Variants in TNXB observed in about 807,000 individuals in gnomAD.
TNXB encodes tenascin-X.
Under a neutral mutation model 340.5 loss-of-function variants are expected in TNXB, and 183 were observed. The observed-to-expected ratio is 0.54, with a 90% CI of 0.48 to 0.61. The LOEUF (loss-of-function observed/expected upper bound fraction) is 0.61, where lower values mean the gene tolerates loss of function less well. TNXB is among the 20% of genes least tolerant of loss of function. The pLI is 0.00. For synonymous variants in TNXB, 2,121 were observed against 2,314.5 expected, an observed-to-expected ratio of 0.92 and a Z score of 2.40; for missense variants, 4,613 against 5,446.4, an observed-to-expected ratio of 0.85 and a Z score of 4.82.
In TNXB at chr6:32,081,669, T is replaced by G; in HGVS notation, c.3741A>C (p.Pro1247=). The G allele has an allele frequency of 3.2e-6, 5 of 1,575,028 alleles. No individual in the cohort carries two copies. Among genetic ancestry groups the G allele is most frequent in the Non-Finnish European group, 4.3e-6 (5 of 1,159,918 alleles). Residue 1247 remains proline, a synonymous_variant, in exon 10 of 44, where the codon CCA becomes CCC. Transcript: ENST00000644971. The surrounding 1 kb of genome is among the most constrained non-coding windows in gnomAD (Gnocchi z 5.1). ...GGCGGGGGGGCTCCTCTTTCCTCTC[T>G]GGAGCTGTAAACAAGGAGATCCAGC... The part of the protein sequence containing the change: ...GPLTADGTTA[P]ERKEEPPRPE...
Position 32,097,299 on chromosome 6 carries a change from C to T in TNXB, c.554G>A (p.Gly185Glu). The change falls in exon 3 of 44, where the codon GGG (glycine) becomes GAG (glutamate). Residue 185 changes from glycine to glutamate, a missense_variant. Gly to Glu is a moderately conservative substitution (Grantham distance 98, BLOSUM62 -2). This residue lies in a region of TNXB where 4,327 missense variants were observed against 4,859.4 expected (regional missense o/e 0.89). Coordinates refer to ENST00000644971, the MANE Select transcript of TNXB (RefSeq NM_001365276.2). This position sits in a 1 kb window ranked among gnomAD's most constrained non-coding sequence, Gnocchi z 5.9. ...ATCATTGCAGTCATCTGGGCAGGAC[C>T]CCGAGGCTGAGGGTGGGGAAGAGGG... ...IPPSSPPSASGSCPDDCNDQG... is the reference protein window; with the variant it reads ...IPPSSPPSASESCPDDCNDQG... 1 of 1,613,578 alleles carries T rather than the reference C, an allele frequency of 6.2e-7. No homozygotes were observed. Among genetic ancestry groups the T allele is most frequent in the South Asian group, 1.1e-5 (1 of 91,020 alleles).
rs1039190912 is a variant in TNXB at position 32,051,306 on chromosome 6, C to T, written c.9116-985G>A. Among the ~76,000 whole-genome samples the T allele has an allele frequency of 2.0e-4, 31 of 152,214 alleles. No individual in the cohort carries two copies. The highest frequency in any genetic ancestry group is 3.7e-4 in the Non-Finnish European group (25 of 68,040). ...CTGGTCCACAGCCTGTCCCCCATGA[C>T]GTTAGCCCCATTAGGACAGGAACTT... is the stretch of plus-strand genomic sequence containing the variant. On this transcript the variant is annotated intron_variant, in intron 26 of 43. Transcript: ENST00000644971. This position sits in a 1 kb window ranked among gnomAD's most constrained non-coding sequence, Gnocchi z 4.7.
At position 32,079,399 on chromosome 6, in the gene TNXB, G is replaced by A; in HGVS notation, c.4043-34C>T. On this transcript the variant is annotated intron_variant, in intron 10 of 43. Transcript: ENST00000644971. This position sits in a 1 kb window ranked among gnomAD's most constrained non-coding sequence, Gnocchi z 7.1. Reference sequence around the variant, plus strand: ...AGAGATAGAGGCATAAAGGGCTGCTGGCTTTGCTGCTGCTGCCCACAGATG... The same window carrying A: ...AGAGATAGAGGCATAAAGGGCTGCTAGCTTTGCTGCTGCTGCCCACAGATG... 1 of 1,530,940 alleles carries A rather than the reference G, an allele frequency of 6.5e-7. No individual in the cohort carries two copies. The highest frequency in any genetic ancestry group is 2.3e-5 in the East Asian group (1 of 44,056). The allele number at this position is 1,530,940 out of a possible 1,614,324, so 94.8% of individuals were successfully genotyped here.
chr6:32,072,402 C>T lies in TNXB; in HGVS notation c.4682-104G>A. The T allele has an allele frequency of 1.1e-6, 1 of 922,456 alleles. No individual in the cohort carries two copies. Among genetic ancestry groups the T allele is most frequent in the Non-Finnish European group, 1.5e-6 (1 of 647,074 alleles). 57.1% of individuals were successfully genotyped at this position (922,456 alleles called of 1,614,324 possible). A position where few individuals can be genotyped will look rare whatever the true frequency, so the allele number is the denominator to read the frequency against. ...TGTGAACTGAGATGGGGAATAGTTA[C>T]ACCTTTACTTCCAGACCTCTAACTG... is the stretch of plus-strand genomic sequence containing the variant. On this transcript the variant is annotated intron_variant, in intron 12 of 43. Transcript: ENST00000644971. This position sits in a 1 kb window ranked among gnomAD's most constrained non-coding sequence, Gnocchi z 4.4.
In TNXB at chr6:32,046,445, T is replaced by C; in HGVS notation, c.10336A>G (p.Lys3446Glu). 3.8e-6 allele frequency: 6 copies of C among 1,573,304 alleles called. No homozygotes were observed. The highest frequency in any genetic ancestry group is 5.2e-6 in the Non-Finnish European group (6 of 1,152,594). Residue 3446 changes from lysine to glutamate, a missense_variant, in exon 31 of 44, where the codon AAG becomes GAG. Physicochemically the swap from Lys to Glu is moderately conservative, Grantham distance 56 (BLOSUM62 1). Around this residue, in one of 7 missense-constraint regions of TNXB, gnomAD observed 4,327 missense variants for 4,859.4 expected, o/e 0.89. Transcript: ENST00000644971. The surrounding 1 kb of genome is among the most constrained non-coding windows in gnomAD (Gnocchi z 6.9). ...SADSTTAPLE[K>E]ELPPHLGELT... ...TCCCCCAGGTGGGGAGGTAGCTCCT[T>C]CTCCAGGGGAGCTGTGCAGAGGGAG... is the stretch of plus-strand genomic sequence containing the variant.
In TNXB at chr6:32,062,564, C is replaced by A; in HGVS notation, c.6842-81G>T. On this transcript the variant is annotated intron_variant, in intron 19 of 43. Coordinates refer to ENST00000644971, the MANE Select transcript of TNXB (RefSeq NM_001365276.2). This position sits in a 1 kb window ranked among gnomAD's most constrained non-coding sequence, Gnocchi z 4.3. Reference sequence around the variant, plus strand: ...GGACTCTGGGATTCTCTTAGACACACCAAGGGCCCACAGTCTGGATGCTGG... The same window carrying A: ...GGACTCTGGGATTCTCTTAGACACAACAAGGGCCCACAGTCTGGATGCTGG... The A allele has an allele frequency of 7.5e-7, 1 of 1,335,882 alleles. No homozygotes were observed. Among genetic ancestry groups the A allele is most frequent in the Non-Finnish European group, 1.0e-6 (1 of 990,936 alleles). 82.8% of individuals were successfully genotyped at this position (1,335,882 alleles called of 1,614,324 possible).
At position 32,087,399 on chromosome 6, in the gene TNXB, T is replaced by C. The variant is rs1194348361; in HGVS notation, c.2780-1281A>G. 2.1e-6 allele frequency: 1 copy of C among 470,470 alleles called. No homozygotes were observed. The highest frequency in any genetic ancestry group is 4.2e-6 in the Non-Finnish European group (1 of 236,120). 29.1% of individuals were successfully genotyped at this position (470,470 alleles called of 1,614,324 possible). ...CAGTCAGCTCACCGCCGGGGCCCTC[T>C]GCAGGCGGCTGAGGCCGCCAGCGCA... is the stretch of plus-strand genomic sequence containing the variant. On this transcript the variant is annotated intron_variant, in intron 6 of 43. Transcript: ENST00000644971. This position sits in a 1 kb window ranked among gnomAD's most constrained non-coding sequence, Gnocchi z 9.0.
At chr6:32,105,203 C>T (rs1371883010) in intron 1 of TNXB, among the ~76,000 whole-genome samples, 3 of 152,126 alleles carry the variant, frequency 2.0e-5, no homozygotes, top group Non-Finnish European at 1.5e-5. Context: ...CTGTTCCATC[C>T]GTGTGGAACA....
chr6:32,097,378 C>T lies in TNXB; in HGVS notation c.475G>A (p.Glu159Lys). The T allele has an allele frequency of 2.5e-6, 4 of 1,612,120 alleles. No individual in the cohort carries two copies. The highest frequency in any genetic ancestry group is 3.4e-6 in the Non-Finnish European group (4 of 1,179,798). ...CAGGTGGGCCCACCCCAGCCTGGCT[C>T]ACAGGAACAGGTGCAGCGGCTCAGA... ...FDLSRCTCSCEPGWGGPTCSD... is the reference protein window; with the variant it reads ...FDLSRCTCSCKPGWGGPTCSD... The change falls in exon 3 of 44, where the codon GAG becomes AAG. Residue 159 changes from glutamate (E) to lysine (K), a missense_variant. Glu to Lys is a moderately conservative substitution (Grantham distance 56). This residue lies in a region of TNXB where 4,327 missense variants were observed against 4,859.4 expected (regional missense o/e 0.89). Transcript: ENST00000644971. This position sits in a 1 kb window ranked among gnomAD's most constrained non-coding sequence, Gnocchi z 5.9.
rs1270771328 is a variant in TNXB, at chr6:32,074,399, A to G, written c.4376-447T>C. Among the ~76,000 whole-genome samples, 2 of 152,206 alleles carry G rather than the reference A, an allele frequency of 1.3e-5. No homozygotes were observed. Among genetic ancestry groups the G allele is most frequent in the Non-Finnish European group, 2.9e-5 (2 of 68,036 alleles). On this transcript the variant is annotated intron_variant, in intron 11 of 43. Transcript: ENST00000644971. This position sits in a 1 kb window ranked among gnomAD's most constrained non-coding sequence, Gnocchi z 5.5. ...ATTGATCTGAACATCTGTCTGGTCA[A>G]CAGTCCTTCACTAGGTCCCTGCTCG... is the stretch of plus-strand genomic sequence containing the variant.
intron 4 of TNXB, among the ~76,000 whole-genome samples, chr6:32,093,856 G>C (rs145328876): frequency 7.0e-4 from 107 of 152,218 alleles, no homozygotes; most frequent in African/African-American, 2.4e-3. Context: ...TTGGGAGGCT[G>C]AGGCGGGCAG....
chr6:32,068,628 G>C lies in TNXB; in HGVS notation c.5982C>G (p.Thr1994=), dbSNP rs761774730. The C allele has an allele frequency of 6.2e-7, 1 of 1,613,872 alleles. No homozygotes were observed. Among genetic ancestry groups the C allele is most frequent in the Non-Finnish European group, 8.5e-7 (1 of 1,179,870 alleles). Residue 1994 remains threonine, a synonymous_variant, in exon 17 of 44, where the codon ACC becomes ACG. Coordinates refer to ENST00000644971, the MANE Select transcript of TNXB (RefSeq NM_001365276.2). This position sits in a 1 kb window ranked among gnomAD's most constrained non-coding sequence, Gnocchi z 5.3. ...GGGAGTCAGGGGTGGCATCTGTCACGGTCAGCTCCCCCAGGCGAGGCTTGA... is the reference window on the plus strand; with the variant it reads ...GGGAGTCAGGGGTGGCATCTGTCACCGTCAGCTCCCCCAGGCGAGGCTTGA... The part of the protein sequence containing the change: ...PPIKPRLGEL[T]VTDATPDSLS...
At position 32,067,113 on chromosome 6, in the gene TNXB, G is replaced by A. The variant is rs1446796563; in HGVS notation, c.6544+548C>T. ...GAAAAGAATGAAAGAAAGAAAGAAA[G>A]AGAAAGAAAGAAAGGAAGGAAGAAA... On this transcript the variant is annotated intron_variant, in intron 18 of 43. Coordinates refer to ENST00000644971, the MANE Select transcript of TNXB (RefSeq NM_001365276.2). This position sits in a 1 kb window ranked among gnomAD's most constrained non-coding sequence, Gnocchi z 4.2. Among the ~76,000 whole-genome samples, 3 of 92,938 alleles carry A rather than the reference G, an allele frequency of 3.2e-5. No homozygotes were observed. The highest frequency in any genetic ancestry group is 1.1e-4 in the African/African-American group (3 of 26,216). 61.0% of individuals were successfully genotyped at this position (92,938 alleles called of 152,430 possible).
rs1779565392 is a variant in TNXB, at chr6:32,083,022, G to A, written c.3446-696C>T. On this transcript the variant is annotated intron_variant, in intron 8 of 43. Coordinates refer to ENST00000644971, the MANE Select transcript of TNXB (RefSeq NM_001365276.2). This position sits in a 1 kb window ranked among gnomAD's most constrained non-coding sequence, Gnocchi z 4.6. ...TGATGTCTACACTGATTGCAGCCAT[G>A]TCCTCACCTCCACCACCCTCCCGAT... Among the ~76,000 whole-genome samples, 1 of 152,074 alleles carries A rather than the reference G, an allele frequency of 6.6e-6. No homozygotes were observed. The highest frequency in any genetic ancestry group is 1.5e-5 in the Non-Finnish European group (1 of 68,008).
chr6:32,105,043 G>C (rs1246153609), intron 1 of TNXB, among the ~76,000 whole-genome samples: 1 of 151,904 alleles, frequency 6.6e-6, no homozygotes, highest in Non-Finnish European at 1.5e-5. Flanking sequence ...AATTCTCTTA[G>C]AACACTGACA....
chr6:32,060,343 A>G (rs962026649), intron 21 of TNXB, among the ~76,000 whole-genome samples: 1 of 151,842 alleles, frequency 6.6e-6, no homozygotes, highest in Non-Finnish European at 1.5e-5. Flanking sequence ...AAAAAAAAAA[A>G]AGAAGGAAAT....
rs1777662948 is a variant in TNXB, at chr6:32,056,612, C to A, written c.8117G>T (p.Gly2706Val). The A allele has an allele frequency of 6.2e-7, 1 of 1,612,958 alleles. No homozygotes were observed. Among genetic ancestry groups the A allele is most frequent in the African/African-American group, 1.3e-5 (1 of 74,930 alleles). ...LYGFHGGQRV[G>V]PISVIGVTAA... ...CGTCACCCCAATGACAGAGATGGGG[C>A]CCACGCGCTGGCCACCGTGGAAGCC... The change falls in exon 23 of 44, where the codon GGC becomes GTC. Residue 2706 changes from glycine (G) to valine (V), a missense_variant. Physicochemically the swap from Gly to Val is moderately radical, Grantham distance 109. This residue lies in a region of TNXB where 4,327 missense variants were observed against 4,859.4 expected (regional missense o/e 0.89). Coordinates refer to ENST00000644971, the MANE Select transcript of TNXB (RefSeq NM_001365276.2).
rs1778202891 is a variant in TNXB at position 32,064,360 on chromosome 6, G to GCC, written c.6841+460_6841+461insGG. Among the ~76,000 whole-genome samples the GCC allele has an allele frequency of 6.6e-6, 1 of 152,118 alleles. No individual in the cohort carries two copies. The highest frequency in any genetic ancestry group is 1.5e-5 in the Non-Finnish European group (1 of 68,014). On this transcript the variant is annotated intron_variant, in intron 19 of 43. Coordinates refer to ENST00000644971, the MANE Select transcript of TNXB (RefSeq NM_001365276.2). This position sits in a 1 kb window ranked among gnomAD's most constrained non-coding sequence, Gnocchi z 5.3. Reference sequence around the variant, plus strand: ...CCCGAGTAGCTGGGACTACAGGCATGTGCCACCACACCCAGCTAATTTTTG... The same window carrying GCC: ...CCCGAGTAGCTGGGACTACAGGCATGCCTGCCACCACACCCAGCTAATTTTTG...
At position 32,073,672 on chromosome 6, in the gene TNXB, G is replaced by A. The variant is rs377485405; in HGVS notation, c.4656C>T (p.Gly1552=). 2.4e-4 allele frequency: 379 copies of A among 1,609,124 alleles called. No homozygotes were observed. Among genetic ancestry groups the A allele is most frequent in the Non-Finnish European group, 3.0e-4 (359 of 1,178,150 alleles). Residue 1552 remains glycine (G), a synonymous_variant, in exon 12 of 44, where the codon GGC becomes GGT. Coordinates refer to ENST00000644971, the MANE Select transcript of TNXB (RefSeq NM_001365276.2). The surrounding 1 kb of genome is among the most constrained non-coding windows in gnomAD (Gnocchi z 4.6). ...MYGLHDGQRM[G]PLSVVIVTAP... Reference sequence around the variant, plus strand: ...CCGTCACGATGACCACAGACAGGGGGCCCATGCGTTGCCCATCATGTAGTC... The same window carrying A: ...CCGTCACGATGACCACAGACAGGGGACCCATGCGTTGCCCATCATGTAGTC...
Sources: gnomAD v4.1 joint callset for allele counts (sites outside exome capture counted in the v4.1 genomes callset) on GRCh38, gnomAD v4.1.1 for gene constraint, gnomAD v4.1.1 regional missense constraint, Gnocchi (gnomAD v3.1) non-coding constraint, MANE v1.5 for transcripts, NCBI Gene and HGNC (gene_info 2026-07-23, HGNC 2026-07-21) for gene names.